The following WDR7 variants were observed in gnomAD, a reference collection of about 807,000 sequenced individuals.
WDR7 encodes WD repeat-containing protein 7.
WDR7 carries 46 observed loss-of-function variants against 169.4 expected under a neutral mutation model. The ratio of observed to expected loss-of-function variants is 0.27; its 90% CI spans 0.21 to 0.35. The LOEUF (loss-of-function observed/expected upper bound fraction) is 0.35. Ranked by LOEUF, WDR7 falls within the 10% of genes least tolerant of loss-of-function variation. WDR7 has a pLI of 1.00. For missense variants in WDR7, 1,534 were observed against 1,859.3 expected (o/e 0.83, Z 3.22); for synonymous variants, 612 against 666.8 (o/e 0.92, Z 1.27).
chr18:56,960,818 T>G (rs754883433), intron 25 of WDR7, among the ~76,000 whole-genome samples: 2 of 152,128 alleles, frequency 1.3e-5, no homozygotes, highest in Non-Finnish European at 2.9e-5. Flanking sequence ...GAAACTAGCT[T>G]TTTCCTAACC....
chr18:56,679,187 G>A (rs1339324730), intron 2 of WDR7, 145 bp from the exon 3 acceptor site: 1 of 585,208 alleles, frequency 1.7e-6, no homozygotes, highest in Non-Finnish European at 2.9e-6. Flanking sequence ...GGCGGCTCCA[G>A]CAGTGCTTTG....
At chr18:56,744,245 G>GAAAAAAAAAAAAAAAAAAA (rs58110613) in intron 14 of WDR7, among the ~76,000 whole-genome samples, 3 of 86,884 alleles carry the variant, frequency 3.5e-5, no homozygotes, top group African/African-American at 4.1e-5. Flanking sequence ...TCTCAAAAAA[G>GAAAAAAAAAAAAAAAAAAA]AAAAAAAAAA....
chr18:56,749,994 C>T (rs190430259), intron 14 of WDR7, among the ~76,000 whole-genome samples: 2 of 151,078 alleles, frequency 1.3e-5, no homozygotes, highest in Admixed American at 1.3e-4. Flanking sequence ...TTGCTGGAGG[C>T]TACTGTGTAT....
At chr18:56,671,747 A>G (rs1402990936) in intron 1 of WDR7, among the ~76,000 whole-genome samples, 1 of 152,208 alleles carries the variant, frequency 6.6e-6, no homozygotes, top group Non-Finnish European at 1.5e-5. Context: ...TCCATCACTT[A>G]TCGCTTTGTG....
intron 16 of WDR7, among the ~76,000 whole-genome samples, chr18:56,776,170 T>G (rs2044240473): frequency 6.6e-6 from 1 of 150,708 alleles, no homozygotes; most frequent in Non-Finnish European, 1.5e-5. Flanking sequence ...ATAGGGAGTA[T>G]TTGTGAAATA....
At chr18:56,705,977 G>A (rs561019771) in intron 12 of WDR7, among the ~76,000 whole-genome samples, 50 of 152,308 alleles carry the variant, frequency 3.3e-4, no homozygotes, top group African/African-American at 9.9e-4. Context: ...CAGCCTGGGC[G>A]ACAGAGGGAG....
chr18:56,697,130 A>T (rs1259669460), intron 12 of WDR7, among the ~76,000 whole-genome samples: 6 of 152,134 alleles, frequency 3.9e-5, no homozygotes, highest in African/African-American at 1.4e-4. Context: ...TTGTGTGCAT[A>T]ATCACTGTCT....
In WDR7 at chr18:56,987,847, G is replaced by C. The variant is rs1442755885; in HGVS notation, c.4164+25318G>C. Among the ~76,000 whole-genome samples the C allele has an allele frequency of 3.3e-5, 5 of 152,262 alleles. No homozygotes were observed. In the East Asian group the frequency reaches 7.7e-4, roughly 23 times the overall value. ...TTAAATCCTATGCTTGGATTATGAT[G>C]AATCACTGTCATGCATAAGCTGGAT... is the stretch of plus-strand genomic sequence containing the variant. On this transcript the variant is annotated intron_variant, in intron 26 of 27. Coordinates refer to ENST00000254442, the MANE Select transcript of WDR7 (RefSeq NM_015285.3).
At chr18:56,797,853 A>G (rs1030118974) in intron 19 of WDR7, among the ~76,000 whole-genome samples, 1 of 152,234 alleles carries the variant, frequency 6.6e-6, no homozygotes, top group African/African-American at 2.4e-5. Flanking sequence ...TGGATGCTGG[A>G]TATGAAAAGA....
intron 16 of WDR7, among the ~76,000 whole-genome samples, chr18:56,770,825 C>T (rs1474350691): frequency 1.3e-5 from 2 of 151,874 alleles, no homozygotes; most frequent in African/African-American, 2.4e-5. Flanking sequence ...AATCTTTGGA[C>T]ATTGCATTTC....
chr18:56,734,754 G>A (rs1029784653), intron 14 of WDR7, among the ~76,000 whole-genome samples: 1 of 151,782 alleles, frequency 6.6e-6, no homozygotes, highest in African/African-American at 2.4e-5. Flanking sequence ...TTTGTATGGG[G>A]TATTTTTTGT....
chr18:56,705,159 G>T (rs1170900998), intron 12 of WDR7, among the ~76,000 whole-genome samples: 1 of 152,124 alleles, frequency 6.6e-6, no homozygotes, highest in African/African-American at 2.4e-5. Flanking sequence ...GGCAAAAATT[G>T]CTAGGAAGAA....
At chr18:56,863,342 A>T (rs983704905) in intron 20 of WDR7, among the ~76,000 whole-genome samples, 1 of 151,790 alleles carries the variant, frequency 6.6e-6, no homozygotes, top group Admixed American at 6.6e-5. Flanking sequence ...TGTTACAAAT[A>T]TTGATTCTGT....
rs980865806 is a variant in WDR7, at chr18:56,857,470, C to T, written c.3305-22474C>T. ...GATTGGTTCTCTGTGTTGCCCAGGC[C>T]GGTCACGAACTCCTGAGCTCAAGCA... On this transcript the variant is annotated intron_variant, in intron 20 of 27. Transcript: ENST00000254442. Among the ~76,000 whole-genome samples the T allele has an allele frequency of 7.2e-5, 11 of 151,948 alleles. 1 individual carries two copies. Among genetic ancestry groups the T allele is most frequent in the South Asian group, 2.1e-4 (1 of 4,816 alleles).
chr18:56,773,759 CTT>C (rs2044199960), intron 16 of WDR7, among the ~76,000 whole-genome samples: 2 of 152,046 alleles, frequency 1.3e-5, no homozygotes, highest in African/African-American at 4.8e-5. Context: ...CAAAAGAAAA[CTT>C]ATAAAAAGCC....
At chr18:56,823,550 C>T (rs775402344) in intron 20 of WDR7, among the ~76,000 whole-genome samples, 2 of 152,134 alleles carry the variant, frequency 1.3e-5, no homozygotes, top group African/African-American at 2.4e-5. Context: ...CACATCCCTG[C>T]GCTCCAGCCT....
chr18:57,036,526 G>A, the WDR7 span: 1 of 152,406 alleles, frequency 6.6e-6, no homozygotes, highest in Non-Finnish European at 1.5e-5. Context: ...TCACAGTCCA[G>A]CTCCCCCCTG....
chr18:56,777,472 A>G (rs1241911252), intron 17 of WDR7, among the ~76,000 whole-genome samples: 1 of 152,164 alleles, frequency 6.6e-6, no homozygotes, highest in African/African-American at 2.4e-5. Context: ...CTGTGGAGTT[A>G]CACAAGTCGA....
chr18:56,985,175 T>C (rs2047696533), intron 26 of WDR7, among the ~76,000 whole-genome samples: 1 of 152,204 alleles, frequency 6.6e-6, no homozygotes. Flanking sequence ...CTGTCCTGTG[T>C]ACTTTTAATA....
Sources: gnomAD v4.1 joint callset for allele counts (sites outside exome capture counted in the v4.1 genomes callset) on GRCh38, gnomAD v4.1.1 for gene constraint, MANE v1.5 for transcripts, NCBI Gene and HGNC (gene_info 2026-07-23, HGNC 2026-07-21) for gene names.